MAP7D3: variants seen among roughly 807,000 people sequenced by gnomAD.
The protein encoded by MAP7D3 is MAP7 domain-containing protein 3.
MAP7D3 carries 45 observed loss-of-function variants against 62.2 expected under a neutral mutation model. That is an observed-to-expected ratio of 0.72 (90% CI 0.57 to 0.93). The LOEUF is 0.93. Ranked by LOEUF, MAP7D3 falls within the 40% of genes least tolerant of loss-of-function variation. The probability of loss-of-function intolerance (pLI) is 0.00; values close to 1 mark genes in which losing one functional copy is unlikely to be tolerated. For synonymous variants in MAP7D3, 288 were observed against 248.8 expected (o/e 1.16, Z -1.48); for missense variants, 711 against 683.1 (o/e 1.04, Z -0.45).
chrX:136,238,667 C>A (rs1431047106), intron 6 of MAP7D3, among the ~76,000 whole-genome samples: 2 of 111,270 alleles, frequency 1.8e-5, no homozygotes, highest in Admixed American at 1.9e-4. Context: ...CAGACCAATA[C>A]AAGAGAAAAT....
intron 1 of MAP7D3, among the ~76,000 whole-genome samples, chrX:136,246,860 C>G (rs1211531460): frequency 3.6e-5 from 4 of 111,511 alleles, no homozygotes; most frequent in Non-Finnish European, 7.5e-5. Flanking sequence ...TATAAATTAC[C>G]TAAATTAGGG....
upstream of MAP7D3, chrX:136,256,356 A>T: frequency 8.7e-7 from 1 of 1,148,133 alleles, no homozygotes; most frequent in Non-Finnish European, 1.2e-6. Context: ...TCAGCTCTGG[A>T]ATTCCCACTG....
chrX:136,254,920 C>CA (rs1335611885), upstream of MAP7D3, among the ~76,000 whole-genome samples: 10 of 70,022 alleles, frequency 1.4e-4, no homozygotes, highest in Non-Finnish European at 9.1e-5. Context: ...CAAAAACAAA[C>CA]AAACAAAAAA....
Position 136,236,305 on chromosome X carries a change from A to G in MAP7D3, c.675T>C (p.Asn225=), listed in dbSNP as rs1052084998. Residue 225 remains asparagine (N), a synonymous_variant, in exon 7 of 19, where the codon AAT becomes AAC. Transcript: ENST00000316077. ...KTDKERSSSL[N]RRDSNLHSST... is the part of the protein sequence containing the mutation. ...ACGAATGTAGGTTACTATCTCTTCT[A>G]TTTAAAGATGAGCTTCTCTCCTTGT... 3.4e-6 allele frequency: 4 copies of G among 1,192,463 alleles called. No homozygotes were observed. Among genetic ancestry groups the G allele is most frequent in the Non-Finnish European group, 4.5e-6 (4 of 882,170 alleles).
At chrX:136,237,651 T>G (rs1399724877) in intron 6 of MAP7D3, among the ~76,000 whole-genome samples, 4 of 112,363 alleles carry the variant, frequency 3.6e-5, no homozygotes, top group Non-Finnish European at 5.6e-5. Flanking sequence ...GAAATCATTT[T>G]AAAAGTTTTA....
intron 4 of MAP7D3, among the ~76,000 whole-genome samples, chrX:136,242,459 G>T (rs1219854317): frequency 9.4e-6 from 1 of 106,080 alleles, no homozygotes; most frequent in Non-Finnish European, 2.0e-5. Flanking sequence ...CTGAGTCTGG[G>T]TTTTTTTTTT....
intron 11 of MAP7D3, 127 bp from the exon 12 acceptor site, chrX:136,227,558 A>T: frequency 4.6e-6 from 2 of 438,849 alleles, no homozygotes; most frequent in Non-Finnish European, 3.7e-6. Context: ...CAGAGTCACT[A>T]CATCTTCTGT....
chrX:136,225,669 G>A (rs1168681041), intron 13 of MAP7D3, among the ~76,000 whole-genome samples: 1 of 111,921 alleles, frequency 8.9e-6, no homozygotes, highest in East Asian at 2.8e-4. Context: ...GTTTGATATA[G>A]TGAGGCATCA....
At chrX:136,220,677 G>T in intron 16 of MAP7D3, 88 bp downstream of exon 16, 1 of 776,264 alleles carries the variant, frequency 1.3e-6, no homozygotes, top group Non-Finnish European at 1.9e-6. Flanking sequence ...CAAACTAAGA[G>T]CACAAGAGAT....
chrX:136,253,183 G>T (rs909217299), upstream of MAP7D3, among the ~76,000 whole-genome samples: 6 of 112,334 alleles, frequency 5.3e-5, no homozygotes, highest in African/African-American at 1.9e-4. Context: ...AGAGACCAAT[G>T]CTTTGCATGA....
chrX:136,229,453 C>T (rs1030864360), intron 10 of MAP7D3, among the ~76,000 whole-genome samples: 2 of 111,242 alleles, frequency 1.8e-5, no homozygotes, highest in Non-Finnish European at 1.9e-5. Flanking sequence ...AGCAAAATTC[C>T]CCAGTGTGTT....
chrX:136,248,848 T>C (rs185893220), intron 1 of MAP7D3, among the ~76,000 whole-genome samples: 1 of 112,191 alleles, frequency 8.9e-6, no homozygotes, highest in African/African-American at 3.2e-5. Context: ...TTCACACAGG[T>C]AGTAAGTGGT....
Position 136,219,638 on chromosome X carries a change from C to T in MAP7D3, c.2520G>A (p.Thr840=), listed in dbSNP as rs267606362. 4 of 1,205,815 alleles carry T rather than the reference C, an allele frequency of 3.3e-6. No homozygotes were observed. The highest frequency in any genetic ancestry group is 5.9e-5 in the East Asian group (2 of 33,786). Residue 840 remains threonine, a synonymous_variant, in exon 17 of 19, where the codon ACG becomes ACA. Coordinates refer to ENST00000316077, the MANE Select transcript of MAP7D3 (RefSeq NM_024597.4). ...PSSKRMTSHT[T]KTRKADETNT... Reference sequence around the variant, plus strand: ...TGGTTTCATCCGCCTTTCTGGTTTTCGTTGTGTGACTGGTCATTCTTTTGG... The same window carrying T: ...TGGTTTCATCCGCCTTTCTGGTTTTTGTTGTGTGACTGGTCATTCTTTTGG...
At position 136,241,449 on chromosome X, in the gene MAP7D3, A is replaced by AT. The variant is rs200523789; in HGVS notation, c.418-173dup. Among the ~76,000 whole-genome samples the AT allele has an allele frequency of 8.0e-3, 886 of 110,334 alleles. 6 individuals carry two copies. The highest frequency in any genetic ancestry group is 0.027 in the African/African-American group (824 of 30,397). On this transcript the variant is annotated intron_variant, in intron 4 of 18. Coordinates refer to ENST00000316077, the MANE Select transcript of MAP7D3 (RefSeq NM_024597.4). ...TACCAGTGCTTCTCCTAAATAACTC[A>AT]TTTTTTTTTATCTTATGGACCTTGC... is the stretch of plus-strand genomic sequence containing the variant.
At chrX:136,238,062 T>A (rs2074350174) in intron 6 of MAP7D3, among the ~76,000 whole-genome samples, 1 of 111,898 alleles carries the variant, frequency 8.9e-6, no homozygotes, top group Non-Finnish European at 1.9e-5. Context: ...AACTCATCAT[T>A]TTTTATGGCT....
At chrX:136,227,755 C>T (rs1489735822) in intron 11 of MAP7D3, among the ~76,000 whole-genome samples, 1 of 111,242 alleles carries the variant, frequency 9.0e-6, no homozygotes, top group African/African-American at 3.3e-5. Context: ...CTTCTTTACA[C>T]GTGCTCACAC....
intron 8 of MAP7D3, 78 bp from the exon 9 acceptor site, chrX:136,231,044 A>G: frequency 1.4e-6 from 1 of 706,121 alleles, no homozygotes; most frequent in Non-Finnish European, 2.0e-6. Flanking sequence ...TTTTTTTTGA[A>G]GAGAAAAACA....
intron 7 of MAP7D3, among the ~76,000 whole-genome samples, chrX:136,233,277 AT>A (rs5903913): frequency 6.3e-4 from 62 of 98,924 alleles, no homozygotes; most frequent in African/African-American, 1.2e-3. Context: ...TAAACGATTA[AT>A]TTTTTTTTTT....
At chrX:136,255,796 G>A (rs984063039), upstream of MAP7D3, among the ~76,000 whole-genome samples, 2 of 111,394 alleles carry the variant, frequency 1.8e-5, no homozygotes, top group African/African-American at 6.5e-5. Context: ...GAGCAGAGAA[G>A]AACTGGAATC....
Sources: gnomAD v4.1 joint callset for allele counts (sites outside exome capture counted in the v4.1 genomes callset) on GRCh38, gnomAD v4.1.1 for gene constraint, MANE v1.5 for transcripts, NCBI Gene and HGNC (gene_info 2026-07-23, HGNC 2026-07-21) for gene names.